ADGRL3: variants seen among roughly 807,000 people sequenced by gnomAD.
ADGRL3 encodes adhesion G protein-coupled receptor L3.
In ADGRL3, 62 loss-of-function variants were observed where a neutral mutation model predicts 153.5. The observed-to-expected ratio is 0.40, with a 90% CI of 0.33 to 0.50. The LOEUF (loss-of-function observed/expected upper bound fraction) is 0.50. Ranked by LOEUF, ADGRL3 falls within the 20% of genes least tolerant of loss-of-function variation. ADGRL3 has a pLI of 0.47. For synonymous variants in ADGRL3, 710 were observed against 672.5 expected, an observed-to-expected ratio of 1.06 and a Z score of -0.86; for missense variants, 1,641 against 1,859.4, an observed-to-expected ratio of 0.88 and a Z score of 2.16.
intron 9 of ADGRL3, among the ~76,000 whole-genome samples, chr4:61,882,872 G>A (rs192156359): frequency 7.9e-5 from 12 of 152,292 alleles, no homozygotes; most frequent in Non-Finnish European, 1.6e-4. Context: ...TTGGGAGGCC[G>A]AGGTGGTGGA....
chr4:62,034,268 A>C (rs1415484390), intron 23 of ADGRL3, among the ~76,000 whole-genome samples: 2 of 151,778 alleles, frequency 1.3e-5, no homozygotes, highest in Non-Finnish European at 2.9e-5. Context: ...ATAAAGTTTA[A>C]AATAAGTATA....
At chr4:61,949,414 T>C (rs1409483713) in intron 17 of ADGRL3, among the ~76,000 whole-genome samples, 1 of 152,116 alleles carries the variant, frequency 6.6e-6, no homozygotes, top group Non-Finnish European at 1.5e-5. Flanking sequence ...AATCTTAAAA[T>C]AGGCCGGGCA....
intron 1 of ADGRL3, among the ~76,000 whole-genome samples, chr4:61,373,579 A>T (rs796175376): frequency 1.1e-4 from 17 of 152,318 alleles, no homozygotes; most frequent in African/African-American, 3.8e-4. Context: ...ATAACAATGG[A>T]AATTAAAATC....
At chr4:61,627,086 C>T (rs138904583) in intron 5 of ADGRL3, among the ~76,000 whole-genome samples, 162 of 152,178 alleles carry the variant, frequency 1.1e-3, no homozygotes, top group African/African-American at 3.8e-3. Context: ...ACCCTCTACC[C>T]TTTATTGCCT....
intron 9 of ADGRL3, among the ~76,000 whole-genome samples, chr4:61,856,920 TCCCG>T (rs2149229974): frequency 1.9e-5 from 1 of 52,524 alleles, no homozygotes; most frequent in African/African-American, 6.9e-5. Context: ...CCTCCCTCCC[TCCCG>T]CCCTCCCTCC....
At chr4:61,625,572 T>G (rs867795999) in intron 5 of ADGRL3, among the ~76,000 whole-genome samples, 1 of 152,082 alleles carries the variant, frequency 6.6e-6, no homozygotes. Context: ...TTTCTACTTA[T>G]TAATTTGAGT....
chr4:61,551,952 A>G (rs2098742291), intron 4 of ADGRL3, among the ~76,000 whole-genome samples: 1 of 152,224 alleles, frequency 6.6e-6, no homozygotes, highest in Non-Finnish European at 1.5e-5. Flanking sequence ...TAATGTAATT[A>G]CATACTGCAA....
intron 25 of ADGRL3, among the ~76,000 whole-genome samples, chr4:62,054,564 A>C (rs1735977537): frequency 6.6e-6 from 1 of 151,664 alleles, no homozygotes; most frequent in Non-Finnish European, 1.5e-5. Context: ...TTAAAACTTC[A>C]AAAATTATAG....
chr4:61,753,017 T>G (rs1469614018), intron 8 of ADGRL3, among the ~76,000 whole-genome samples: 2 of 151,982 alleles, frequency 1.3e-5, no homozygotes, highest in East Asian at 3.9e-4. Flanking sequence ...AACTGAAACT[T>G]CCCCCAGGAA....
At chr4:61,753,736 C>A (rs1448024036) in intron 8 of ADGRL3, among the ~76,000 whole-genome samples, 1 of 152,168 alleles carries the variant, frequency 6.6e-6, no homozygotes, top group African/African-American at 2.4e-5. Context: ...ACTTCCAATT[C>A]TATCAAAGTA....
intron 18 of ADGRL3, among the ~76,000 whole-genome samples, chr4:61,982,038 G>A (rs992320867): frequency 7.9e-5 from 12 of 152,056 alleles, no homozygotes; most frequent in African/African-American, 1.7e-4. Context: ...AATAGTTGAC[G>A]TTCTAACTCT....
At chr4:61,595,632 G>T (rs2098985900) in intron 5 of ADGRL3, among the ~76,000 whole-genome samples, 1 of 152,128 alleles carries the variant, frequency 6.6e-6, no homozygotes, top group Non-Finnish European at 1.5e-5. Flanking sequence ...GGGGTTAGAG[G>T]AGTGATGGCA....
rs1232006937 is a variant in ADGRL3, at chr4:61,646,150, A to T, written c.474-30676A>T. The stretch of plus-strand genomic sequence containing the variant: ...TTCAGCTCCATCAGCTCCTTTAAGC[A>T]CTTCTCTGTATTGGTTATTCTAGTT... On this transcript the variant is annotated intron_variant, in intron 5 of 26. Coordinates refer to ENST00000683033, the MANE Select transcript of ADGRL3 (RefSeq NM_001387552.1). Among the ~76,000 whole-genome samples, 3 of 151,804 alleles carry T rather than the reference A, an allele frequency of 2.0e-5. No individual in the cohort carries two copies. In the East Asian group the frequency reaches 5.8e-4, roughly 29 times the overall value.
chr4:61,249,622 A>G lies in ADGRL3; in HGVS notation c.-240+47857A>G, dbSNP rs75144509. On this transcript the variant is annotated intron_variant, in intron 1 of 26. Coordinates refer to ENST00000683033, the MANE Select transcript of ADGRL3 (RefSeq NM_001387552.1). ...TCAGCAGCTTTCTAGGAAATTCCAC[A>G]CAACGCTCATGTATCATTAGCTTGA... is the stretch of plus-strand genomic sequence containing the variant. 4.9e-3 allele frequency among the ~76,000 whole-genome samples: 747 copies of G among 152,300 alleles called. 4 individuals carry two copies. Among genetic ancestry groups the G allele is most frequent in the South Asian group, 0.029 (142 of 4,826 alleles).
At chr4:62,054,340 A>G (rs548385806) in intron 25 of ADGRL3, among the ~76,000 whole-genome samples, 4 of 151,758 alleles carry the variant, frequency 2.6e-5, no homozygotes, top group African/African-American at 9.6e-5. Context: ...CTGCAAACCA[A>G]CCACTTTGCT....
chr4:61,907,478 C>G (rs971179912), intron 11 of ADGRL3, among the ~76,000 whole-genome samples: 8 of 151,806 alleles, frequency 5.3e-5, no homozygotes, highest in African/African-American at 1.9e-4. Context: ...AAGCTGGCCT[C>G]GAACTCCTGA....
chr4:61,799,330 A>G (rs2152475021), intron 8 of ADGRL3, among the ~76,000 whole-genome samples: 1 of 152,174 alleles, frequency 6.6e-6, no homozygotes, highest in East Asian at 1.9e-4. Context: ...CAGATAGTCA[A>G]TATTTTAGGT....
chr4:61,287,130 C>T (rs892994713), intron 1 of ADGRL3, among the ~76,000 whole-genome samples: 2 of 151,534 alleles, frequency 1.3e-5, no homozygotes, highest in Admixed American at 6.6e-5. Flanking sequence ...GTAGAAAATA[C>T]GTTTTACCAC....
At chr4:61,817,594 G>C (rs1388335556) in intron 9 of ADGRL3, among the ~76,000 whole-genome samples, 1 of 152,146 alleles carries the variant, frequency 6.6e-6, no homozygotes, top group African/African-American at 2.4e-5. Context: ...CCTCAATGAA[G>C]CTCCTGTCCA....
Sources: allele counts gnomAD v4.1 joint callset (sites outside exome capture counted in the v4.1 genomes callset), GRCh38; gene constraint gnomAD v4.1.1; transcripts MANE v1.5; gene names NCBI Gene and HGNC (gene_info 2026-07-23, HGNC 2026-07-21).